The following ADARB2 variants were observed in gnomAD, a reference collection of about 807,000 sequenced individuals.
ADARB2 encodes the protein inactive double-stranded RNA-specific editase B2.
ADARB2 carries 25 observed loss-of-function variants against 62.2 expected under a neutral mutation model. The ratio of observed to expected loss-of-function variants is 0.40; its 90% CI spans 0.29 to 0.56. ADARB2 has a LOEUF of 0.56. Ranked by LOEUF, ADARB2 falls within the 20% of genes least tolerant of loss-of-function variation. ADARB2 has a pLI of 0.43. For missense variants in ADARB2, 1,071 were observed against 1,077.4 expected, an observed-to-expected ratio of 0.99 and a Z score of 0.08; for synonymous variants, 572 against 500.8, an observed-to-expected ratio of 1.14 and a Z score of -1.90.
At chr10:1,220,930 A>G (rs963635171) in intron 6 of ADARB2, among the ~76,000 whole-genome samples, 6 of 152,160 alleles carry the variant, frequency 3.9e-5, no homozygotes, top group African/African-American at 1.4e-4. Flanking sequence ...CAGGTGCATG[A>G]GTTGCTCCTG....
At chr10:1,386,010 A>G (rs1832522140) in intron 1 of ADARB2, among the ~76,000 whole-genome samples, 1 of 152,102 alleles carries the variant, frequency 6.6e-6, no homozygotes, top group Admixed American at 6.5e-5. Flanking sequence ...TGTAATGTTT[A>G]TTGTATATTT....
intron 1 of ADARB2, among the ~76,000 whole-genome samples, chr10:1,471,617 T>C (rs1312093232): frequency 1.3e-5 from 2 of 152,206 alleles, no homozygotes; most frequent in Non-Finnish European, 2.9e-5. Flanking sequence ...GGTCTTGAAC[T>C]CCTGACCTCA....
At chr10:1,309,278 G>A (rs1831662344) in intron 3 of ADARB2, among the ~76,000 whole-genome samples, 1 of 152,230 alleles carries the variant, frequency 6.6e-6, no homozygotes, top group African/African-American at 2.4e-5. Context: ...GCTGGACAGT[G>A]TAAGATTGCC....
At chr10:1,390,012 A>G (rs1263156200) in intron 1 of ADARB2, among the ~76,000 whole-genome samples, 2 of 152,214 alleles carry the variant, frequency 1.3e-5, no homozygotes, top group Non-Finnish European at 2.9e-5. Context: ...TATTTATTCA[A>G]ACTATTCGTC....
At chr10:1,558,961 C>T (rs1414088369) in intron 1 of ADARB2, among the ~76,000 whole-genome samples, 1 of 152,234 alleles carries the variant, frequency 6.6e-6, no homozygotes, top group Non-Finnish European at 1.5e-5. Flanking sequence ...CACGTTTGGA[C>T]TCAAAGCCTG....
chr10:1,321,487 C>G (rs935669942), intron 3 of ADARB2, among the ~76,000 whole-genome samples: 5 of 152,116 alleles, frequency 3.3e-5, no homozygotes, highest in African/African-American at 1.2e-4. Flanking sequence ...CTCAAGTGAT[C>G]CTCCCGCCTC....
At chr10:1,642,814 CCACACT>C (rs1222736876) in intron 1 of ADARB2, among the ~76,000 whole-genome samples, 4 of 152,016 alleles carry the variant, frequency 2.6e-5, no homozygotes, top group African/African-American at 7.2e-5. Flanking sequence ...AGACACACAT[CCACACT>C]CACACTCACA....
At chr10:1,418,669 C>T (rs1376131555) in intron 1 of ADARB2, among the ~76,000 whole-genome samples, 2 of 152,122 alleles carry the variant, frequency 1.3e-5, no homozygotes, top group African/African-American at 4.8e-5. Context: ...CAGAGTAGTC[C>T]GTATTATTAT....
chr10:1,623,296 A>G (rs1833729315), intron 1 of ADARB2, among the ~76,000 whole-genome samples: 1 of 152,234 alleles, frequency 6.6e-6, no homozygotes, highest in African/African-American at 2.4e-5. Context: ...ATGCAGCTCA[A>G]CACTGTAGAT....
At chr10:1,375,583 C>A (rs900046359) in intron 2 of ADARB2, among the ~76,000 whole-genome samples, 2 of 152,236 alleles carry the variant, frequency 1.3e-5, no homozygotes, top group Admixed American at 6.5e-5. Context: ...GTGCAATACA[C>A]GCCAGGTGGG....
intron 1 of ADARB2, among the ~76,000 whole-genome samples, chr10:1,475,949 A>G (rs1057345987): frequency 2.0e-5 from 3 of 152,208 alleles, no homozygotes; most frequent in Non-Finnish European, 4.4e-5. Flanking sequence ...CCGAGTCTAG[A>G]TGGCAGTCTT....
At chr10:1,590,324 G>A (rs987271026) in intron 1 of ADARB2, among the ~76,000 whole-genome samples, 1 of 152,222 alleles carries the variant, frequency 6.6e-6, no homozygotes, top group Non-Finnish European at 1.5e-5. Context: ...AAGCATGGGT[G>A]AATCAGGCTC....
At chr10:1,446,108 G>T (rs531992756) in intron 1 of ADARB2, among the ~76,000 whole-genome samples, 1 of 152,162 alleles carries the variant, frequency 6.6e-6, no homozygotes, top group Non-Finnish European at 1.5e-5. Context: ...AATGCTTTGC[G>T]TTGTCATGGA....
chr10:1,412,383 A>G (rs1832766858), intron 1 of ADARB2, among the ~76,000 whole-genome samples: 1 of 152,068 alleles, frequency 6.6e-6, no homozygotes, highest in South Asian at 2.1e-4. Context: ...TTTTGAACAA[A>G]TAATTTAAAA....
intron 1 of ADARB2, among the ~76,000 whole-genome samples, chr10:1,420,220 C>T (rs1338554285): frequency 2.6e-5 from 4 of 152,264 alleles, no homozygotes; most frequent in African/African-American, 7.2e-5. Flanking sequence ...CAGCTCATGC[C>T]GTTTCTTTGT....
chr10:1,504,716 A>C lies in ADARB2; in HGVS notation c.101-125556T>G, dbSNP rs569818378. Among the ~76,000 whole-genome samples the C allele has an allele frequency of 5.9e-5, 9 of 152,378 alleles. No individual in the cohort carries two copies. In the South Asian group the frequency reaches 8.3e-4, roughly 14 times the overall value. Reference sequence around the variant, plus strand: ...GGAGAAAAACAATGACCTTGAAGTAAAATTTGTATAAAGCTACATTTTTTT... The same window carrying C: ...GGAGAAAAACAATGACCTTGAAGTACAATTTGTATAAAGCTACATTTTTTT... On this transcript the variant is annotated intron_variant, in intron 1 of 9. Transcript: ENST00000381312.
At chr10:1,395,024 A>G in intron 1 of ADARB2, 1 of 452,902 alleles carries the variant, frequency 2.2e-6, no homozygotes, top group South Asian at 1.6e-5. Context: ...GGCTCAGTTG[A>G]TCCTGCCTCG....
At chr10:1,681,573 G>C (rs1027600612) in intron 1 of ADARB2, among the ~76,000 whole-genome samples, 5 of 152,156 alleles carry the variant, frequency 3.3e-5, no homozygotes, top group East Asian at 3.9e-4. Flanking sequence ...CTGGCAAATT[G>C]TTTGGCCTCA....
chr10:1,675,929 G>GTTGAATCTGCTCAGAC, intron 1 of ADARB2: 1 of 912,972 alleles, frequency 1.1e-6, no homozygotes, highest in Non-Finnish European at 1.3e-6. Flanking sequence ...GTGGGTCAGA[G>GTTGAATCTGCTCAGAC]TTGAATCTGC....
Sources: gnomAD v4.1 joint callset for allele counts (sites outside exome capture counted in the v4.1 genomes callset) on GRCh38, gnomAD v4.1.1 for gene constraint, MANE v1.5 for transcripts, NCBI Gene and HGNC (gene_info 2026-07-23, HGNC 2026-07-21) for gene names.